Variants in GABRG3 observed in about 807,000 individuals in gnomAD.
GABRG3 encodes the protein gamma-aminobutyric acid receptor subunit gamma-3.
GABRG3 carries 25 observed loss-of-function variants against 48.8 expected under a neutral mutation model. That is an observed-to-expected ratio of 0.51 (90% CI 0.37 to 0.72). The LOEUF (loss-of-function observed/expected upper bound fraction) is 0.72, where lower values mean the gene tolerates loss of function less well. Among genes scored for constraint, GABRG3 ranks in the 30% least tolerant of loss-of-function variants. The pLI is 0.00. For missense variants in GABRG3, 394 were observed against 577.9 expected, an observed-to-expected ratio of 0.68 and a Z score of 3.26; for synonymous variants, 227 against 217.6, an observed-to-expected ratio of 1.04 and a Z score of -0.38.
intron 3 of GABRG3, among the ~76,000 whole-genome samples, chr15:27,086,871 T>A (rs1443679453): frequency 6.6e-6 from 1 of 152,220 alleles, no homozygotes; most frequent in African/African-American, 2.4e-5. Context: ...CTTCAGGTCG[T>A]CCTTGTGGGC....
intron 3 of GABRG3, among the ~76,000 whole-genome samples, chr15:27,058,449 G>C (rs1404661036): frequency 1.3e-5 from 2 of 152,164 alleles, no homozygotes; most frequent in Non-Finnish European, 2.9e-5. Flanking sequence ...TGAATCATCT[G>C]ATTGCTCTGT....
At chr15:27,155,240 C>T (rs1898397555) in intron 3 of GABRG3, among the ~76,000 whole-genome samples, 1 of 152,092 alleles carries the variant, frequency 6.6e-6, no homozygotes, top group Non-Finnish European at 1.5e-5. Context: ...TCACTGGGGT[C>T]TTCTTTATGT....
At position 27,541,019 on chromosome 15, in the gene GABRG3, A is replaced by G. The variant is rs1891652121; in HGVS notation, c.*8138A>G. On this transcript the variant is annotated 3_prime_UTR_variant, in exon 10 of 10. Transcript: ENST00000615808. ...CAAGGGAGAGGGAGAAAGAGAGGAC[A>G]GAGGGAGAGAGAGAAAGTGGCAATC... 1 of 152,290 alleles carries G rather than the reference A, an allele frequency of 6.6e-6. No individual in the cohort carries two copies. The highest frequency in any genetic ancestry group is 2.1e-4 in the South Asian group (1 of 4,834). The allele number at this position is 152,290 out of a possible 1,614,324, so 9.4% of individuals were successfully genotyped here.
At chr15:27,189,799 G>C (rs1447096666) in intron 3 of GABRG3, among the ~76,000 whole-genome samples, 1 of 152,140 alleles carries the variant, frequency 6.6e-6, no homozygotes, top group Non-Finnish European at 1.5e-5. Context: ...TCCCTGTCTT[G>C]TGCCAGTTTT....
At chr15:27,240,830 A>G (rs1210512721) in intron 3 of GABRG3, among the ~76,000 whole-genome samples, 1 of 152,244 alleles carries the variant, frequency 6.6e-6, no homozygotes, top group East Asian at 1.9e-4. Context: ...ACTTAACTGA[A>G]CGTGATCAGT....
At chr15:27,509,841 C>T (rs879928247) in intron 6 of GABRG3, among the ~76,000 whole-genome samples, 2 of 152,146 alleles carry the variant, frequency 1.3e-5, no homozygotes, top group Non-Finnish European at 2.9e-5. Context: ...TCTTTCCTAT[C>T]TGGTTCTGTT....
chr15:27,028,980 C>T (rs574847908), intron 3 of GABRG3, among the ~76,000 whole-genome samples: 9 of 152,216 alleles, frequency 5.9e-5, no homozygotes, highest in South Asian at 2.1e-4. Flanking sequence ...GCATTGTAAG[C>T]CCTGGGCCCT....
At chr15:27,306,979 A>AAACATGTTTATATATAAAC (rs1566769598) in intron 3 of GABRG3, among the ~76,000 whole-genome samples, 1 of 68,648 alleles carries the variant, frequency 1.5e-5, no homozygotes, top group Non-Finnish European at 3.1e-5. Context: ...AAACATATAT[A>AAACATGTTTATATATAAAC]ATATAAACAT....
intron 6 of GABRG3, among the ~76,000 whole-genome samples, chr15:27,512,900 G>C (rs1010342114): frequency 6.6e-6 from 1 of 152,100 alleles, no homozygotes. Flanking sequence ...ATGCAAATGG[G>C]ACCCATGCAG....
intron 3 of GABRG3, among the ~76,000 whole-genome samples, chr15:27,292,959 C>T (rs1194829932): frequency 6.6e-6 from 1 of 152,140 alleles, no homozygotes; most frequent in African/African-American, 2.4e-5. Flanking sequence ...AATAATATTA[C>T]AGGAGGAGAT....
chr15:27,330,836 C>G (rs1893779278), intron 5 of GABRG3, among the ~76,000 whole-genome samples: 1 of 152,096 alleles, frequency 6.6e-6, no homozygotes, highest in Non-Finnish European at 1.5e-5. Context: ...CATCTATTTC[C>G]CTATTTCTGG....
intron 3 of GABRG3, among the ~76,000 whole-genome samples, chr15:27,265,481 C>G (rs544694299): frequency 8.9e-4 from 135 of 152,280 alleles, no homozygotes; most frequent in African/African-American, 2.7e-3. Flanking sequence ...TAACAGACAG[C>G]AAAGGGTGGG....
At chr15:27,027,596 T>C (rs1174589034) in intron 3 of GABRG3, among the ~76,000 whole-genome samples, 1 of 152,182 alleles carries the variant, frequency 6.6e-6, no homozygotes, top group Non-Finnish European at 1.5e-5. Flanking sequence ...AGTAGCAAAA[T>C]CGTTTCTTTT....
At chr15:27,342,486 G>A (rs956745741) in intron 5 of GABRG3, among the ~76,000 whole-genome samples, 17 of 152,250 alleles carry the variant, frequency 1.1e-4, no homozygotes, top group Admixed American at 7.8e-4. Flanking sequence ...TCTCAATAAA[G>A]GAGTGAAAAA....
chr15:26,985,492 G>A (rs1360448821), intron 2 of GABRG3, among the ~76,000 whole-genome samples: 1 of 152,174 alleles, frequency 6.6e-6, no homozygotes, highest in Non-Finnish European at 1.5e-5. Context: ...ATTTTTAAAT[G>A]AGTCTTCTTA....
intron 5 of GABRG3, among the ~76,000 whole-genome samples, chr15:27,355,737 T>G (rs1894814493): frequency 6.6e-6 from 1 of 152,222 alleles, no homozygotes; most frequent in African/African-American, 2.4e-5. Flanking sequence ...CTATCGCTAA[T>G]GAATGGGTAA....
rs142151690 is a variant in GABRG3 at position 26,992,206 on chromosome 15, T to C, written c.202+15056T>C. Among the ~76,000 whole-genome samples, 432 of 152,326 alleles carry C rather than the reference T, an allele frequency of 2.8e-3. 3 individuals carry two copies. Among genetic ancestry groups the C allele is most frequent in the African/African-American group, 0.01 (422 of 41,582 alleles). ...GATAATTTGATGACTTCTTTTCCAA[T>C]TTGGATGTTTTTATTTCTTTCTCTT... On this transcript the variant is annotated intron_variant, in intron 2 of 9. Coordinates refer to ENST00000615808, the MANE Select transcript of GABRG3 (RefSeq NM_033223.5).
intron 3 of GABRG3, among the ~76,000 whole-genome samples, chr15:27,297,932 C>T (rs1333832847): frequency 6.6e-6 from 1 of 151,638 alleles, no homozygotes; most frequent in African/African-American, 2.4e-5. Flanking sequence ...TAAAGGGTAA[C>T]ATGTATATTG....
In GABRG3 at chr15:27,534,402, GGATGCCAATGT is replaced by G. The variant is rs1159082110; in HGVS notation, c.*1524_*1534del. 1 of 152,050 alleles carries G rather than the reference GGATGCCAATGT, an allele frequency of 6.6e-6. No homozygotes were observed. Among genetic ancestry groups the G allele is most frequent in the African/African-American group, 2.4e-5 (1 of 41,398 alleles). 9.4% of individuals were successfully genotyped at this position (152,050 alleles called of 1,614,324 possible). A position where few individuals can be genotyped will look rare whatever the true frequency, so the allele number is the denominator to read the frequency against. ...TTGCTGTTAGTTCTTTGTTATAACT[GGATGCCAATGT>G]GAACTGCAGAAGACTGTTTTGAAAC... On this transcript the variant is annotated 3_prime_UTR_variant, in exon 10 of 10. Transcript: ENST00000615808.
Sources: allele counts gnomAD v4.1 joint callset (sites outside exome capture counted in the v4.1 genomes callset), GRCh38; gene constraint gnomAD v4.1.1; transcripts MANE v1.5; gene names NCBI Gene and HGNC (gene_info 2026-07-23, HGNC 2026-07-21).